The following ZNF267 variants were observed in gnomAD, a reference collection of about 807,000 sequenced individuals.
ZNF267 encodes zinc finger protein 267, also known as zinc finger (C2H2).
ZNF267 carries 61 observed loss-of-function variants against 71.6 expected under a neutral mutation model. The ratio of observed to expected loss-of-function variants is 0.85; its 90% CI spans 0.69 to 1.05. The LOEUF is 1.05. Ranked by LOEUF, ZNF267 falls within the 50% of genes least tolerant of loss-of-function variation. ZNF267 has a pLI of 0.00. For synonymous variants in ZNF267, 288 were observed against 293.2 expected (o/e 0.98, Z 0.18); for missense variants, 852 against 870.0 (o/e 0.98, Z 0.26).
chr16:31,895,815 G>A (rs1373181763), intron 3 of ZNF267, among the ~76,000 whole-genome samples: 3 of 151,996 alleles, frequency 2.0e-5, no homozygotes, highest in East Asian at 1.9e-4. Context: ...TTTAAAATTC[G>A]GTTATATGTT....
rs1188030937 is a variant in ZNF267 at position 31,915,715 on chromosome 16, A to G, written c.1466A>G (p.Glu489Gly). ...ATGCATCAGAGAGTTCATACTGGAG[A>G]GAAGCCTTATAAATGTAAAGAATGT... The part of the protein sequence containing the change: ...LIMHQRVHTG[E>G]KPYKCKECGK... The change falls in exon 4 of 4, where the codon GAG (glutamate) becomes GGG (glycine). Residue 489 changes from glutamate (E) to glycine (G), a missense_variant. Physicochemically the swap from Glu to Gly is moderately conservative, Grantham distance 98 (BLOSUM62 -2). Transcript: ENST00000300870. 6.2e-7 allele frequency: 1 copy of G among 1,613,406 alleles called. No individual in the cohort carries two copies. Among genetic ancestry groups the G allele is most frequent in the African/African-American group, 1.3e-5 (1 of 74,908 alleles).
intron 3 of ZNF267, among the ~76,000 whole-genome samples, chr16:31,897,553 T>C (rs2084008983): frequency 6.6e-6 from 1 of 152,068 alleles, no homozygotes; most frequent in Non-Finnish European, 1.5e-5. Context: ...CTCCTTTTTT[T>C]CCCCCCAAGA....
intron 3 of ZNF267, among the ~76,000 whole-genome samples, chr16:31,892,737 T>A (rs536844013): frequency 9.2e-5 from 14 of 152,330 alleles, no homozygotes; most frequent in Non-Finnish European, 1.8e-4. Flanking sequence ...TCCAAGATGA[T>A]CTCCTTTGAC....
At chr16:31,892,147 C>T (rs563775712) in intron 3 of ZNF267, among the ~76,000 whole-genome samples, 5 of 152,232 alleles carry the variant, frequency 3.3e-5, no homozygotes, top group South Asian at 2.1e-4. Context: ...TACAGTTCCA[C>T]GTGGCTGGGG....
At chr16:31,887,251 C>CTT (rs760504639) in intron 3 of ZNF267, among the ~76,000 whole-genome samples, 3 of 130,060 alleles carry the variant, frequency 2.3e-5, no homozygotes, top group Non-Finnish European at 5.1e-5. Flanking sequence ...GTCAGATTTA[C>CTT]TTTTTTTTTT....
chr16:31,906,781 C>T (rs1040609039), intron 3 of ZNF267, among the ~76,000 whole-genome samples: 12 of 151,868 alleles, frequency 7.9e-5, no homozygotes, highest in Non-Finnish European at 2.9e-5. Flanking sequence ...CTGCACCCAC[C>T]GTCCTGCATC....
At chr16:31,899,013 C>T (rs1341700092) in intron 3 of ZNF267, among the ~76,000 whole-genome samples, 1 of 152,160 alleles carries the variant, frequency 6.6e-6, no homozygotes, top group Non-Finnish European at 1.5e-5. Flanking sequence ...ACACCCAATA[C>T]AGGAGCACCC....
At chr16:31,875,331 A>G in intron 1 of ZNF267, 1 of 1,285,522 alleles carries the variant, frequency 7.8e-7, no homozygotes, top group Non-Finnish European at 1.0e-6. Context: ...TCAGGGGAGC[A>G]GCTGGATGCC....
chr16:31,885,152 A>T lies in ZNF267; in HGVS notation c.131-9A>T, dbSNP rs756643367. 5 of 1,582,576 alleles carry T rather than the reference A, an allele frequency of 3.2e-6. No homozygotes were observed. The East Asian group carries it at 9.0e-5, about 28-fold the overall frequency. The stretch of plus-strand genomic sequence containing the variant: ...ATTAAGAGTCATGTGAATTTTTCCA[A>T]TAAAACAGGTCTTGTTGTCTCTAAG... On this transcript the variant is annotated splice_polypyrimidine_tract_variant and intron_variant, in intron 2 of 3. Coordinates refer to ENST00000300870, the MANE Select transcript of ZNF267 (RefSeq NM_003414.6).
intron 1 of ZNF267, among the ~76,000 whole-genome samples, chr16:31,879,722 T>G (rs1193797954): frequency 1.3e-5 from 2 of 152,196 alleles, no homozygotes; most frequent in African/African-American, 4.8e-5. Flanking sequence ...AAAATAAGTT[T>G]ACAGGGCATC....
chr16:31,877,497 G>T (rs1048178227), intron 1 of ZNF267, among the ~76,000 whole-genome samples: 6 of 152,196 alleles, frequency 3.9e-5, no homozygotes, highest in African/African-American at 1.4e-4. Flanking sequence ...GTTTCACTCT[G>T]ATGTCAGCCT....
At chr16:31,880,289 A>G (rs541046845) in intron 1 of ZNF267, among the ~76,000 whole-genome samples, 4 of 152,322 alleles carry the variant, frequency 2.6e-5, no homozygotes, top group African/African-American at 7.2e-5. Context: ...TTTTATAAAC[A>G]GAATCTCGTG....
chr16:31,878,576 A>C (rs1007363012), intron 1 of ZNF267, among the ~76,000 whole-genome samples: 1 of 151,950 alleles, frequency 6.6e-6, no homozygotes, highest in South Asian at 2.1e-4. Context: ...TTCTCCATCA[A>C]CCTAGGCTTG....
At chr16:31,900,761 T>C (rs958580687) in intron 3 of ZNF267, among the ~76,000 whole-genome samples, 15 of 149,418 alleles carry the variant, frequency 1.0e-4, no homozygotes, top group African/African-American at 3.6e-4. Context: ...TTCTTTCTTT[T>C]TTTTTTTTTT....
In ZNF267 at chr16:31,915,897, T is replaced by G; in HGVS notation, c.1648T>G (p.Cys550Gly). The G allele has an allele frequency of 6.2e-7, 1 of 1,613,880 alleles. No individual in the cohort carries two copies. Among genetic ancestry groups the G allele is most frequent in the Admixed American group, 1.7e-5 (1 of 60,016 alleles). ...RIHTGEKPYK[C>G]KECGKAFPYS... Reference sequence around the variant, plus strand: ...TCATACTGGAGAGAAACCCTATAAATGTAAAGAATGTGGCAAAGCCTTTCC... The same window carrying G: ...TCATACTGGAGAGAAACCCTATAAAGGTAAAGAATGTGGCAAAGCCTTTCC... The change falls in exon 4 of 4, where the codon TGT (cysteine) becomes GGT (glycine). Residue 550 changes from cysteine (C) to glycine (G), a missense_variant. Physicochemically the swap from Cys to Gly is radical, Grantham distance 159. Transcript: ENST00000300870.
chr16:31,910,462 G>A (rs189246326), intron 3 of ZNF267, among the ~76,000 whole-genome samples: 46 of 151,494 alleles, frequency 3.0e-4, no homozygotes, highest in Admixed American at 1.9e-3. Flanking sequence ...GGATTTCTTC[G>A]TTGTTTAATC....
intron 3 of ZNF267, among the ~76,000 whole-genome samples, chr16:31,901,315 C>G (rs1273341091): frequency 6.6e-6 from 1 of 152,234 alleles, no homozygotes; most frequent in Admixed American, 6.5e-5. Flanking sequence ...GGTATATACC[C>G]AGTAATGGGA....
intron 3 of ZNF267, among the ~76,000 whole-genome samples, chr16:31,895,832 A>G (rs1303011452): frequency 1.3e-5 from 2 of 152,208 alleles, no homozygotes; most frequent in African/African-American, 4.8e-5. Flanking sequence ...TGTTTGTATT[A>G]TCTTGAAATC....
chr16:31,883,809 T>A (rs1159245840), intron 1 of ZNF267, among the ~76,000 whole-genome samples: 1 of 152,246 alleles, frequency 6.6e-6, no homozygotes, highest in Non-Finnish European at 1.5e-5. Context: ...TTCCTCAGTG[T>A]TCGACCTCTC....
Sources: gnomAD v4.1 joint callset for allele counts (sites outside exome capture counted in the v4.1 genomes callset) on GRCh38, gnomAD v4.1.1 for gene constraint, MANE v1.5 for transcripts, NCBI Gene and HGNC (gene_info 2026-07-23, HGNC 2026-07-21) for gene names.